Variants in TMCO1 observed in about 807,000 individuals in gnomAD.
The protein encoded by TMCO1 is calcium load-activated calcium channel.
Under a neutral mutation model 29.3 loss-of-function variants are expected in TMCO1, and 29 were observed. That is an observed-to-expected ratio of 0.99 (90% CI 0.74 to 1.35). The LOEUF is 1.35. TMCO1 is among the 40% of genes most tolerant of loss of function. The pLI is 0.00. For missense variants in TMCO1, 173 were observed against 225.5 expected, an observed-to-expected ratio of 0.77 and a Z score of 1.49; for synonymous variants, 80 against 77.1, an observed-to-expected ratio of 1.04 and a Z score of -0.20.
intron 6 of TMCO1, among the ~76,000 whole-genome samples, chr1:165,739,867 TTGGGAGGCCCAGG>T (rs1354619449): frequency 7.2e-5 from 11 of 151,808 alleles, no homozygotes; most frequent in Admixed American, 6.6e-4. Context: ...TCCCAGAAAT[TTGGGAGGCCCAGG>T]TGGGTGGATC....
At chr1:165,748,585 A>C (rs1171971218) in intron 5 of TMCO1, among the ~76,000 whole-genome samples, 1 of 152,102 alleles carries the variant, frequency 6.6e-6, no homozygotes, top group Non-Finnish European at 1.5e-5. Context: ...AAGAAGAGGG[A>C]GAGGAAGGGA....
chr1:165,733,429 T>C (rs572313305), intron 6 of TMCO1, among the ~76,000 whole-genome samples: 3 of 150,388 alleles, frequency 2.0e-5, no homozygotes, highest in African/African-American at 7.3e-5. Context: ...AGATCAGGAG[T>C]TTGAGACCAG....
chr1:165,724,739 A>C (rs1650782153), downstream of TMCO1: 1 of 453,282 alleles, frequency 2.2e-6, no homozygotes, highest in Non-Finnish European at 4.4e-6. Flanking sequence ...AAAACTGCAA[A>C]AATTTTTGAC....
chr1:165,733,171 C>T (rs1302620919), intron 6 of TMCO1, among the ~76,000 whole-genome samples: 1 of 152,178 alleles, frequency 6.6e-6, no homozygotes, highest in Non-Finnish European at 1.5e-5. Context: ...TAAATACTCA[C>T]TGAATACCAC....
intron 6 of TMCO1, among the ~76,000 whole-genome samples, chr1:165,736,783 T>C (rs1212737791): frequency 4.0e-5 from 6 of 151,872 alleles, no homozygotes; most frequent in East Asian, 1.9e-4. Flanking sequence ...ATTCCAAATG[T>C]TGGAATTAGC....
intron 6 of TMCO1, among the ~76,000 whole-genome samples, chr1:165,734,344 C>T (rs2101789992): frequency 6.6e-6 from 1 of 152,210 alleles, no homozygotes; most frequent in East Asian, 1.9e-4. Flanking sequence ...ACAGTGCTGA[C>T]AAACTAGACA....
chr1:165,745,810 TA>T (rs1474354418), intron 5 of TMCO1, among the ~76,000 whole-genome samples: 1 of 152,136 alleles, frequency 6.6e-6, no homozygotes, highest in Non-Finnish European at 1.5e-5. Context: ...TAAGACACAA[TA>T]TTTTTTTTAA....
At chr1:165,749,155 A>G (rs936778613) in intron 5 of TMCO1, among the ~76,000 whole-genome samples, 1 of 152,212 alleles carries the variant, frequency 6.6e-6, no homozygotes, top group Non-Finnish European at 1.5e-5. Flanking sequence ...ATCTGTGTAC[A>G]GGTTTTTGTG....
intron 5 of TMCO1, among the ~76,000 whole-genome samples, chr1:165,750,417 T>C (rs998132182): frequency 6.6e-6 from 1 of 151,740 alleles, no homozygotes; most frequent in African/African-American, 2.4e-5. Context: ...GGTTCGCACC[T>C]GTAATCCCAG....
At chr1:165,736,863 G>A (rs1171044797) in intron 6 of TMCO1, among the ~76,000 whole-genome samples, 1 of 152,136 alleles carries the variant, frequency 6.6e-6, no homozygotes, top group Non-Finnish European at 1.5e-5. Context: ...ATGCAAAGGC[G>A]CGATCACAGC....
intron 1 of TMCO1, chr1:165,768,475 A>T: frequency 6.5e-7 from 1 of 1,542,016 alleles, no homozygotes; most frequent in Non-Finnish European, 8.7e-7. Flanking sequence ...ACCCAAGTGA[A>T]ATCTACCTGA....
At position 165,732,495 on chromosome 1, in the gene TMCO1, CTCTCTCTCTCTA is replaced by C. The variant is rs1458434733; in HGVS notation, c.469-4386_469-4375del. On this transcript the variant is annotated intron_variant, in intron 6 of 6. Coordinates refer to ENST00000367881, the MANE Select transcript of TMCO1 (RefSeq NM_019026.6). Reference sequence around the variant, plus strand: ...AAATGGTTTCTCTCTCTCTCTCTCTCTCTCTCTCTCTATATATATATATATAAACATACACAT... The same window carrying C: ...AAATGGTTTCTCTCTCTCTCTCTCTCTATATATATATATAAACATACACAT... Among the ~76,000 whole-genome samples the C allele has an allele frequency of 5.2e-3, 758 of 144,830 alleles. 9 individuals carry two copies. Among genetic ancestry groups the C allele is most frequent in the African/African-American group, 0.02 (729 of 36,662 alleles).
At chr1:165,724,783 C>A (rs923529058), downstream of TMCO1, 1 of 453,760 alleles carries the variant, frequency 2.2e-6, no homozygotes. Context: ...AAGGAATTGT[C>A]CATTTTCTTA....
At chr1:165,764,696 G>C (rs1257702010) in intron 2 of TMCO1, among the ~76,000 whole-genome samples, 1 of 152,224 alleles carries the variant, frequency 6.6e-6, no homozygotes, top group African/African-American at 2.4e-5. Flanking sequence ...CAGGAGAAGG[G>C]AGGGTGGTAC....
chr1:165,765,187 T>A (rs1035263075), intron 2 of TMCO1, among the ~76,000 whole-genome samples: 4 of 152,032 alleles, frequency 2.6e-5, no homozygotes, highest in African/African-American at 9.7e-5. Flanking sequence ...AATAAGTAAA[T>A]CATACAGTAT....
At chr1:165,753,883 G>C (rs1490191601) in intron 4 of TMCO1, among the ~76,000 whole-genome samples, 1 of 152,056 alleles carries the variant, frequency 6.6e-6, no homozygotes, top group Non-Finnish European at 1.5e-5. Flanking sequence ...TTCTATACTG[G>C]AATTACACAC....
intron 5 of TMCO1, among the ~76,000 whole-genome samples, chr1:165,744,767 G>T (rs1204521896): frequency 7.4e-6 from 1 of 135,496 alleles, no homozygotes; most frequent in African/African-American, 2.7e-5. Context: ...TCTATCCTGG[G>T]CAACAAGAGC....
At chr1:165,754,296 G>T (rs1369916094) in intron 3 of TMCO1, 22 bp from the exon 4 acceptor site, 1 of 1,588,318 alleles carries the variant, frequency 6.3e-7, no homozygotes, top group Non-Finnish European at 8.6e-7. Flanking sequence ...TAATGAGATG[G>T]TTAATACATA....
Position 165,727,123 on chromosome 1 carries a change from C to G in TMCO1, c.*900G>C. 2.2e-6 allele frequency: 1 copy of G among 453,912 alleles called. No individual in the cohort carries two copies. The highest frequency in any genetic ancestry group is 4.4e-6 in the Non-Finnish European group (1 of 226,750). 28.1% of individuals were successfully genotyped at this position (453,912 alleles called of 1,614,324 possible). ...CCTTCTCCCTTATGAAGGGGCATGG[C>G]AGAAAATGAAGGCTATTGTGACTAA... On this transcript the variant is annotated 3_prime_UTR_variant, in exon 7 of 7. Transcript: ENST00000367881.
Sources: allele counts gnomAD v4.1 joint callset (sites outside exome capture counted in the v4.1 genomes callset), GRCh38; gene constraint gnomAD v4.1.1; transcripts MANE v1.5; gene names NCBI Gene and HGNC (gene_info 2026-07-23, HGNC 2026-07-21).